The following PTDSS1 variants were observed in gnomAD, a reference collection of about 807,000 sequenced individuals.
The protein encoded by PTDSS1 is phosphatidylserine synthase 1.
Under a neutral mutation model 70.5 loss-of-function variants are expected in PTDSS1, and 45 were observed. The ratio of observed to expected loss-of-function variants is 0.64; its 90% CI spans 0.50 to 0.82. The LOEUF (loss-of-function observed/expected upper bound fraction) is 0.82. PTDSS1 is among the 40% of genes least tolerant of loss of function. The pLI is 0.00. For missense variants in PTDSS1, 417 were observed against 586.1 expected, an observed-to-expected ratio of 0.71 and a Z score of 2.98; for synonymous variants, 188 against 203.8, an observed-to-expected ratio of 0.92 and a Z score of 0.66.
At chr8:96,286,955 A>C in intron 3 of PTDSS1, 67 bp from the exon 4 acceptor site, 1 of 1,585,118 alleles carries the variant, frequency 6.3e-7, no homozygotes, top group Non-Finnish European at 8.6e-7. Flanking sequence ...ATTCGAGTCT[A>C]ATGTGTATTG....
At chr8:96,323,639 T>G (rs1384056275) in intron 10 of PTDSS1, among the ~76,000 whole-genome samples, 4 of 152,198 alleles carry the variant, frequency 2.6e-5, no homozygotes, top group Admixed American at 2.0e-4. Flanking sequence ...TCCCCAGGCC[T>G]GTAACCGAAA....
intron 6 of PTDSS1, 140 bp downstream of exon 6, chr8:96,299,985 T>G (rs1046859072): frequency 8.8e-7 from 1 of 1,137,008 alleles, no homozygotes; most frequent in Non-Finnish European, 1.2e-6. Context: ...TAAATGATTA[T>G]AAACCTGATT....
chr8:96,299,774 C>T lies in PTDSS1; in HGVS notation c.681C>T (p.Gly227=), dbSNP rs375896685. ...TTCTGGACATCCTGTTGTGCAATGG[C>T]GGTGGCATTTGGCTGGGCATGGTCG... ...QVILDILLCN[G]GGIWLGMVVC... The change falls in exon 6 of 13, where the codon GGC becomes GGT. Residue 227 remains glycine (G), a synonymous_variant. Transcript: ENST00000517309. 63 of 1,613,958 alleles carry T rather than the reference C, an allele frequency of 3.9e-5. 1 individual carries two copies. The highest frequency in any genetic ancestry group is 2.1e-4 in the African/African-American group (16 of 74,908).
At chr8:96,271,832 T>C (rs1810571294) in intron 1 of PTDSS1, among the ~76,000 whole-genome samples, 1 of 152,224 alleles carries the variant, frequency 6.6e-6, no homozygotes, top group South Asian at 2.1e-4. Flanking sequence ...TTTTACTCTG[T>C]GAACAAACCC....
At chr8:96,299,491 T>C (rs1811020951) in intron 5 of PTDSS1, among the ~76,000 whole-genome samples, 1 of 152,252 alleles carries the variant, frequency 6.6e-6, no homozygotes, top group Admixed American at 6.5e-5. Context: ...ATATGTGCTG[T>C]TTGTTTGCAA....
intron 9 of PTDSS1, among the ~76,000 whole-genome samples, chr8:96,317,468 C>A (rs188129355): frequency 2.0e-5 from 3 of 152,298 alleles, no homozygotes; most frequent in African/African-American, 7.2e-5. Flanking sequence ...GGTGCAGTGG[C>A]TCATACCTGT....
chr8:96,290,245 G>A (rs1810883869), intron 4 of PTDSS1, among the ~76,000 whole-genome samples: 1 of 152,170 alleles, frequency 6.6e-6, no homozygotes, highest in Non-Finnish European at 1.5e-5. Context: ...TAGAAATTGG[G>A]AGAAAGATAC....
chr8:96,304,956 T>C (rs1174948487), intron 7 of PTDSS1, among the ~76,000 whole-genome samples: 2 of 152,266 alleles, frequency 1.3e-5, no homozygotes, highest in Non-Finnish European at 2.9e-5. Flanking sequence ...GGACAGATGA[T>C]CTTCCTTGTT....
At position 96,262,270 on chromosome 8, in the gene PTDSS1, C is replaced by CGGGAGGGAGGGTGGCG. The variant is rs1810417454; in HGVS notation, c.179+59_179+74dup. On this transcript the variant is annotated intron_variant, in intron 1 of 12. Transcript: ENST00000517309. This position sits in a 1 kb window ranked among gnomAD's most constrained non-coding sequence, Gnocchi z 4.4. Reference sequence around the variant, plus strand: ...GCGCGTCCAAGGGCTAGGGAAGAGGCGGGAGGGAGGGTGGCGGGGAGGGGG... The same window carrying CGGGAGGGAGGGTGGCG: ...GCGCGTCCAAGGGCTAGGGAAGAGGCGGGAGGGAGGGTGGCGGGGAGGGAGGGTGGCGGGGAGGGGG... 1 of 277,230 alleles carries CGGGAGGGAGGGTGGCG rather than the reference C, an allele frequency of 3.6e-6. No homozygotes were observed. Among genetic ancestry groups the CGGGAGGGAGGGTGGCG allele is most frequent in the East Asian group, 1.1e-4 (1 of 9,354 alleles). 17.2% of individuals were successfully genotyped at this position (277,230 alleles called of 1,614,324 possible).
chr8:96,297,933 C>T (rs1810997819), intron 5 of PTDSS1, among the ~76,000 whole-genome samples: 2 of 152,212 alleles, frequency 1.3e-5, no homozygotes, highest in South Asian at 2.1e-4. Flanking sequence ...AGAATGCAGC[C>T]CCCTCCTCCT....
At chr8:96,276,559 C>T (rs900538667) in intron 2 of PTDSS1, among the ~76,000 whole-genome samples, 3 of 152,154 alleles carry the variant, frequency 2.0e-5, no homozygotes, top group East Asian at 1.9e-4. Context: ...AAGGCTGAAA[C>T]GTGCCACCAT....
At chr8:96,264,924 TGAA>T (rs1810465478) in intron 1 of PTDSS1, among the ~76,000 whole-genome samples, 1 of 152,328 alleles carries the variant, frequency 6.6e-6, no homozygotes, top group South Asian at 2.1e-4. Flanking sequence ...AATCACATAA[TGAA>T]GAACTAATTA....
intron 6 of PTDSS1, among the ~76,000 whole-genome samples, chr8:96,301,105 T>C (rs1811043502): frequency 6.6e-6 from 1 of 152,212 alleles, no homozygotes; most frequent in Admixed American, 6.6e-5. Flanking sequence ...AATGTGACTT[T>C]ATTTTCCATT....
rs1810794561 is a variant in PTDSS1 at position 96,284,577 on chromosome 8, C to T, written c.316+424C>T. ...CTTCAGTTTTATGAATGAGAAAGAA[C>T]TTGGAAAGAGAAAGACTTCTGACAA... On this transcript the variant is annotated intron_variant, in intron 3 of 12. Coordinates refer to ENST00000517309, the MANE Select transcript of PTDSS1 (RefSeq NM_014754.3). Among the ~76,000 whole-genome samples, 7 of 152,114 alleles carry T rather than the reference C, an allele frequency of 4.6e-5. 1 individual carries two copies.
intron 9 of PTDSS1, among the ~76,000 whole-genome samples, chr8:96,316,736 G>A (rs1430478194): frequency 2.0e-5 from 3 of 152,162 alleles, no homozygotes; most frequent in African/African-American, 7.2e-5. Context: ...GCTCACTCCT[G>A]TAATCCCAAG....
At chr8:96,330,725 C>A (rs1433738691) in intron 11 of PTDSS1, 3 of 413,054 alleles carry the variant, frequency 7.3e-6, no homozygotes, top group Non-Finnish European at 1.3e-5. Flanking sequence ...GGCTTTAAGA[C>A]ACGATGGCCG....
intron 10 of PTDSS1, among the ~76,000 whole-genome samples, chr8:96,329,623 C>A (rs1811484850): frequency 6.6e-6 from 1 of 152,186 alleles, no homozygotes; most frequent in Admixed American, 6.5e-5. Context: ...TTAAGAGCAT[C>A]TTTATTTTCT....
At position 96,273,312 on chromosome 8, in the gene PTDSS1, C is replaced by A; in HGVS notation, c.193C>A (p.Pro65Thr). Reference protein sequence around the residue: ...YFAFTRDDSVPEDNIWRGILS... With the variant: ...YFAFTRDDSVTEDNIWRGILS... ...TTCTATTTTCAGGGATGACTCTGTT[C>A]CAGAAGACAACATCTGGAGAGGCAT... Residue 65 changes from proline to threonine, a missense_variant, in exon 2 of 13, where the codon CCA (proline) becomes ACA (threonine). Around this residue, in one of 3 missense-constraint regions of PTDSS1, gnomAD observed 272 missense variants for 429.5 expected, o/e 0.63. Transcript: ENST00000517309. 1 of 1,608,208 alleles carries A rather than the reference C, an allele frequency of 6.2e-7. No homozygotes were observed. The highest frequency in any genetic ancestry group is 1.1e-5 in the South Asian group (1 of 89,832).
chr8:96,332,017 TAAAAAAAAAA>T (rs59720395), intron 12 of PTDSS1, among the ~76,000 whole-genome samples: 2 of 63,820 alleles, frequency 3.1e-5, no homozygotes, highest in South Asian at 1.1e-3. Context: ...CCCTGCCTCT[TAAAAAAAAAA>T]AAAAAAAAAA....
Sources: gnomAD v4.1 joint callset for allele counts (sites outside exome capture counted in the v4.1 genomes callset) on GRCh38, gnomAD v4.1.1 for gene constraint, gnomAD v4.1.1 regional missense constraint, Gnocchi (gnomAD v3.1) non-coding constraint, MANE v1.5 for transcripts, NCBI Gene and HGNC (gene_info 2026-07-23, HGNC 2026-07-21) for gene names.